PLPP7: variants seen among roughly 807,000 people sequenced by gnomAD.
PLPP7 encodes inactive phospholipid phosphatase 7.
A neutral mutation model predicts 16.9 loss-of-function variants in PLPP7; 11 were observed. That is an observed-to-expected ratio of 0.65 (90% CI 0.41 to 1.08). PLPP7 has a LOEUF of 1.08. PLPP7 is among the 50% of genes least tolerant of loss of function. The pLI is 0.00. For synonymous variants in PLPP7, 174 were observed against 175.1 expected, an observed-to-expected ratio of 0.99 and a Z score of 0.05; for missense variants, 358 against 397.1, an observed-to-expected ratio of 0.90 and a Z score of 0.84.
chr9:131,289,884 CGGA>C lies in PLPP7; in HGVS notation c.-112_-110del, dbSNP rs1835642787. The C allele has an allele frequency of 1.3e-6, 1 of 794,222 alleles. No individual in the cohort carries two copies. Among genetic ancestry groups the C allele is most frequent in the Non-Finnish European group, 1.8e-6 (1 of 560,050 alleles). 49.2% of individuals were successfully genotyped at this position (794,222 alleles called of 1,614,324 possible). On this transcript the variant is annotated 5_prime_UTR_variant, in exon 1 of 2. Transcript: ENST00000372264. ...TCCACACTATATTTAACAGCTGCGGCGGAGAAGGCAGGGAGGCAGCCACGGTGG... is the reference window on the plus strand; with the variant it reads ...TCCACACTATATTTAACAGCTGCGGCGAAGGCAGGGAGGCAGCCACGGTGG...
At chr9:131,299,420 G>A (rs11244361) in intron 1 of PLPP7, among the ~76,000 whole-genome samples, 103,292 of 151,780 alleles carry the variant, frequency 0.68, 35,852 homozygotes, top group Middle Eastern at 0.78. Flanking sequence ...TGATGGTGCC[G>A]TTTGCTTCTA....
chr9:131,291,314 CAT>C (rs2131211794), intron 1 of PLPP7: 1 of 1,211,774 alleles, frequency 8.3e-7, no homozygotes, highest in Non-Finnish European at 1.1e-6. Context: ...ATTTGAGGGA[CAT>C]GTGAGGTGGA....
intron 1 of PLPP7, among the ~76,000 whole-genome samples, chr9:131,300,883 C>A (rs1835791555): frequency 6.6e-6 from 1 of 151,960 alleles, no homozygotes; most frequent in African/African-American, 2.4e-5. Context: ...GTAAAGTCAG[C>A]CTTTCCTCCC....
At chr9:131,305,708 T>C (rs931740120) in intron 1 of PLPP7, among the ~76,000 whole-genome samples, 1 of 152,170 alleles carries the variant, frequency 6.6e-6, no homozygotes, top group African/African-American at 2.4e-5. Flanking sequence ...TTGCCCATGC[T>C]GGTCTCAGAC....
At position 131,290,977 on chromosome 9, in the gene PLPP7, C is replaced by T. The variant is rs1835668520; in HGVS notation, c.451+529C>T. On this transcript the variant is annotated intron_variant, in intron 1 of 1. Coordinates refer to ENST00000372264, the MANE Select transcript of PLPP7 (RefSeq NM_032728.4). The surrounding 1 kb of genome is among the most constrained non-coding windows in gnomAD (Gnocchi z 4.2). ...GGGTCTGGGGACCCAGGGAGTTCCC[C>T]TGGGACTGCCACCCACTCACAGCCC... 5.8e-6 allele frequency: 6 copies of T among 1,042,912 alleles called. No individual in the cohort carries two copies. The East Asian group carries it at 2.5e-4, about 43-fold the overall frequency. 64.6% of individuals were successfully genotyped at this position (1,042,912 alleles called of 1,614,324 possible).
chr9:131,293,335 G>A (rs1251847415), intron 1 of PLPP7, among the ~76,000 whole-genome samples: 2 of 152,222 alleles, frequency 1.3e-5, no homozygotes, highest in African/African-American at 4.8e-5. Context: ...TTCATATCCA[G>A]GTGTTGAGGC....
rs12343881 is a variant in PLPP7 at position 131,296,231 on chromosome 9, T to G, written c.451+5783T>G. Among the ~76,000 whole-genome samples, 529 of 152,256 alleles carry G rather than the reference T, an allele frequency of 3.5e-3. 6 individuals carry two copies. Among genetic ancestry groups the G allele is most frequent in the African/African-American group, 0.012 (502 of 41,532 alleles). ...GTGGTATCTCTTGTGGTTTTGGGTA[T>G]TTTTTGTTTGTTTTTTGTTTCGTTT... On this transcript the variant is annotated intron_variant, in intron 1 of 1. Coordinates refer to ENST00000372264, the MANE Select transcript of PLPP7 (RefSeq NM_032728.4).
chr9:131,290,103 C>G lies in PLPP7; in HGVS notation c.106C>G (p.Arg36Gly), dbSNP rs774170989. Residue 36 changes from arginine to glycine, a missense_variant, in exon 1 of 2, where the codon CGC (arginine) becomes GGC (glycine). Physicochemically the swap from Arg to Gly is moderately radical, Grantham distance 125. Coordinates refer to ENST00000372264, the MANE Select transcript of PLPP7 (RefSeq NM_032728.4). This position sits in a 1 kb window ranked among gnomAD's most constrained non-coding sequence, Gnocchi z 4.2. ...GCCCCCCAAGGGGGGCCCGGAGCCC[C>G]GCAGCTCGGGCAGAAAGGCCTCGGG... is the stretch of plus-strand genomic sequence containing the variant. ...NQPPKGGPEP[R>G]SSGRKASGPS... 1 of 1,527,408 alleles carries G rather than the reference C, an allele frequency of 6.5e-7. No homozygotes were observed. 94.6% of individuals were successfully genotyped at this position (1,527,408 alleles called of 1,614,324 possible).
At chr9:131,297,640 C>T (rs935283698) in intron 1 of PLPP7, among the ~76,000 whole-genome samples, 8 of 152,204 alleles carry the variant, frequency 5.3e-5, no homozygotes, top group African/African-American at 1.9e-4. Flanking sequence ...CCTGCCACCG[C>T]CTCCCAAAGT....
At position 131,290,490 on chromosome 9, in the gene PLPP7, G is replaced by C. The variant is rs112629034; in HGVS notation, c.451+42G>C. 11 of 1,480,490 alleles carry C rather than the reference G, an allele frequency of 7.4e-6. No individual in the cohort carries two copies. The African/African-American group carries it at 1.1e-4, about 15-fold the overall frequency. 91.7% of individuals were successfully genotyped at this position (1,480,490 alleles called of 1,614,324 possible). A position where few individuals can be genotyped will look rare whatever the true frequency, so the allele number is the denominator to read the frequency against. On this transcript the variant is annotated intron_variant, in intron 1 of 1. Transcript: ENST00000372264. The surrounding 1 kb of genome is among the most constrained non-coding windows in gnomAD (Gnocchi z 4.2). ...CCCGCCACTCACTGTCAGGCCCCTCGGGAGGCAGCCTGGCCTGCCCAACCC... is the reference window on the plus strand; with the variant it reads ...CCCGCCACTCACTGTCAGGCCCCTCCGGAGGCAGCCTGGCCTGCCCAACCC...
rs141317379 is a variant in PLPP7, at chr9:131,297,159, G to A, written c.451+6711G>A. 3.5e-3 allele frequency among the ~76,000 whole-genome samples: 538 copies of A among 152,328 alleles called. 5 individuals carry two copies. Among genetic ancestry groups the A allele is most frequent in the African/African-American group, 0.012 (504 of 41,576 alleles). ...CTGCCCTGGCAGCTGTCCACACAGC[G>A]GATGCAAGAGAAATGCAATAGTTTG... On this transcript the variant is annotated intron_variant, in intron 1 of 1. Coordinates refer to ENST00000372264, the MANE Select transcript of PLPP7 (RefSeq NM_032728.4).
chr9:131,293,319 A>G (rs1382718772), intron 1 of PLPP7, among the ~76,000 whole-genome samples: 1 of 152,166 alleles, frequency 6.6e-6, no homozygotes, highest in African/African-American at 2.4e-5. Flanking sequence ...GAGGAGGTTG[A>G]CTGTCTTCAT....
Position 131,296,705 on chromosome 9 carries a change from T to C in PLPP7, c.451+6257T>C, listed in dbSNP as rs1835738109. ...TTTTCCCCGTGCGAATGCTAATGTG[T>C]GATGTGTTTCTCAGGCTGTGTTTTG... On this transcript the variant is annotated intron_variant, in intron 1 of 1. Coordinates refer to ENST00000372264, the MANE Select transcript of PLPP7 (RefSeq NM_032728.4). Among the ~76,000 whole-genome samples, 4 of 152,290 alleles carry C rather than the reference T, an allele frequency of 2.6e-5. No individual in the cohort carries two copies. The South Asian group carries it at 8.3e-4, about 32-fold the overall frequency.
rs1163815049 is a variant in PLPP7, at chr9:131,295,492, C to T, written c.451+5044C>T. On this transcript the variant is annotated intron_variant, in intron 1 of 1. Coordinates refer to ENST00000372264, the MANE Select transcript of PLPP7 (RefSeq NM_032728.4). The surrounding 1 kb of genome is among the most constrained non-coding windows in gnomAD (Gnocchi z 4.0). Reference sequence around the variant, plus strand: ...TTATGTCATTTTTTATTGTGATAAGCTATACATCACACAAAATTGATCATT... The same window carrying T: ...TTATGTCATTTTTTATTGTGATAAGTTATACATCACACAAAATTGATCATT... Among the ~76,000 whole-genome samples, 2 of 152,164 alleles carry T rather than the reference C, an allele frequency of 1.3e-5. No individual in the cohort carries two copies. The highest frequency in any genetic ancestry group is 1.9e-4 in the East Asian group (1 of 5,194).
rs1835660958 is a variant in PLPP7 at position 131,290,589 on chromosome 9, C to T, written c.451+141C>T. 1.3e-6 allele frequency: 1 copy of T among 779,664 alleles called. No homozygotes were observed. Among genetic ancestry groups the T allele is most frequent in the Non-Finnish European group, 1.9e-6 (1 of 532,466 alleles). The allele number at this position is 779,664 out of a possible 1,614,324, so 48.3% of individuals were successfully genotyped here. A position where few individuals can be genotyped will look rare whatever the true frequency, so the allele number is the denominator to read the frequency against. ...TAATGAGGTTAGGCAGGAAGGGTGC[C>T]CCAGAAACAGGCAGGCTCCGGCGTG... On this transcript the variant is annotated intron_variant, in intron 1 of 1. Transcript: ENST00000372264. The surrounding 1 kb of genome is among the most constrained non-coding windows in gnomAD (Gnocchi z 4.2).
rs1835729344 is a variant in PLPP7 at position 131,295,719 on chromosome 9, C to G, written c.451+5271C>G. On this transcript the variant is annotated intron_variant, in intron 1 of 1. Transcript: ENST00000372264. This position sits in a 1 kb window ranked among gnomAD's most constrained non-coding sequence, Gnocchi z 4.0. ...CTACACTCTGTCTCTGTGGATTTGA[C>G]TGTTCTAGGGACCTCAAGTAAGTGG... Among the ~76,000 whole-genome samples, 1 of 152,164 alleles carries G rather than the reference C, an allele frequency of 6.6e-6. No homozygotes were observed. The highest frequency in any genetic ancestry group is 1.5e-5 in the Non-Finnish European group (1 of 68,028).
In PLPP7 at chr9:131,308,103, C is replaced by T. The variant is rs779119780; in HGVS notation, c.632C>T (p.Ala211Val). ...SKFFLSHLVL[A>V]VPLRVLLVLW... ...TTCTTCCTCAGCCACCTGGTGCTGG[C>T]GGTGCCCCTGCGTGTGCTGCTGGTG... The change falls in exon 2 of 2, where the codon GCG becomes GTG. Residue 211 changes from alanine (A) to valine (V), a missense_variant. Ala to Val is a moderately conservative substitution (Grantham distance 64, BLOSUM62 0). Transcript: ENST00000372264. 17 of 1,601,368 alleles carry T rather than the reference C, an allele frequency of 1.1e-5. No individual in the cohort carries two copies. Among genetic ancestry groups the T allele is most frequent in the Non-Finnish European group, 1.4e-5 (16 of 1,179,792 alleles).
At chr9:131,300,478 A>G (rs1376483187) in intron 1 of PLPP7, among the ~76,000 whole-genome samples, 1 of 152,166 alleles carries the variant, frequency 6.6e-6, no homozygotes, top group Non-Finnish European at 1.5e-5. Flanking sequence ...TGAGCTCAGG[A>G]GTTCAAGACC....
Position 131,290,107 on chromosome 9 carries a change from G to A in PLPP7, c.110G>A (p.Ser37Asn). ...QPPKGGPEPR[S>N]SGRKASGPSA... is the part of the protein sequence containing the mutation. ...CCCAAGGGGGGCCCGGAGCCCCGCAGCTCGGGCAGAAAGGCCTCGGGCCCA... is the reference window on the plus strand; with the variant it reads ...CCCAAGGGGGGCCCGGAGCCCCGCAACTCGGGCAGAAAGGCCTCGGGCCCA... Residue 37 changes from serine to asparagine, a missense_variant, in exon 1 of 2, where the codon AGC becomes AAC. Coordinates refer to ENST00000372264, the MANE Select transcript of PLPP7 (RefSeq NM_032728.4). The surrounding 1 kb of genome is among the most constrained non-coding windows in gnomAD (Gnocchi z 4.2). 3 of 1,530,430 alleles carry A rather than the reference G, an allele frequency of 2.0e-6. No individual in the cohort carries two copies. Among genetic ancestry groups the A allele is most frequent in the Non-Finnish European group, 2.6e-6 (3 of 1,137,630 alleles). 94.8% of individuals were successfully genotyped at this position (1,530,430 alleles called of 1,614,324 possible).
Sources: gnomAD v4.1 joint callset for allele counts (sites outside exome capture counted in the v4.1 genomes callset) on GRCh38, gnomAD v4.1.1 for gene constraint, Gnocchi (gnomAD v3.1) non-coding constraint, MANE v1.5 for transcripts, NCBI Gene and HGNC (gene_info 2026-07-23, HGNC 2026-07-21) for gene names.